Variants in PALM2AKAP2 observed in about 807,000 individuals in gnomAD.
PALM2AKAP2 encodes PALM2 and AKAP2 fusion, also known as PALM2-AKAP2 fusion protein.
Under a neutral mutation model 71.5 loss-of-function variants are expected in PALM2AKAP2, and 37 were observed. The ratio of observed to expected loss-of-function variants is 0.52; its 90% CI spans 0.40 to 0.68. The LOEUF (loss-of-function observed/expected upper bound fraction) is 0.68, where lower values mean the gene tolerates loss of function less well. Ranked by LOEUF, PALM2AKAP2 falls within the 30% of genes least tolerant of loss-of-function variation. PALM2AKAP2 has a pLI of 0.00. For missense variants in PALM2AKAP2, 1,224 were observed against 1,191.8 expected (o/e 1.03, Z -0.40); for synonymous variants, 468 against 478.8 (o/e 0.98, Z 0.29).
intron 1 of PALM2AKAP2, among the ~76,000 whole-genome samples, chr9:110,092,985 C>T (rs1834749851): frequency 6.6e-6 from 1 of 152,156 alleles, no homozygotes; most frequent in Non-Finnish European, 1.5e-5. Flanking sequence ...CTTAGGTCAC[C>T]TGCTCACTCC....
chr9:110,079,190 C>G lies in PALM2AKAP2; in HGVS notation c.156+30335C>G, dbSNP rs528245466. ...GAAGCGAGTGTATCTTTCTGGTATA[C>G]AGTGAGGCATGAGGACACACAGCTT... is the stretch of plus-strand genomic sequence containing the variant. On this transcript the variant is annotated intron_variant, in intron 1 of 3. Coordinates refer to ENST00000374525, the Ensembl canonical transcript of PALM2AKAP2. Among the ~76,000 whole-genome samples the G allele has an allele frequency of 9.2e-5, 14 of 152,216 alleles. No individual in the cohort carries two copies. The South Asian group carries it at 2.5e-3, about 27-fold the overall frequency.
intron 1 of PALM2AKAP2, among the ~76,000 whole-genome samples, chr9:109,759,590 A>G (rs1429413055): frequency 6.6e-6 from 1 of 152,142 alleles, no homozygotes; most frequent in Non-Finnish European, 1.5e-5. Flanking sequence ...ACAAACAACA[A>G]CAACAACAGC....
intron 1 of PALM2AKAP2, among the ~76,000 whole-genome samples, chr9:109,855,122 G>T (rs1273127249): frequency 6.6e-6 from 1 of 151,706 alleles, no homozygotes; most frequent in East Asian, 1.9e-4. Context: ...CCCCAGGCTG[G>T]AGTGCAGTGG....
chr9:109,695,413 C>T (rs1827955697), intron 1 of PALM2AKAP2, among the ~76,000 whole-genome samples: 1 of 152,154 alleles, frequency 6.6e-6, no homozygotes, highest in Non-Finnish European at 1.5e-5. Context: ...TTTACATTCC[C>T]ACCACCATAT....
At chr9:109,762,901 A>C (rs539785770) in intron 1 of PALM2AKAP2, among the ~76,000 whole-genome samples, 5 of 152,314 alleles carry the variant, frequency 3.3e-5, no homozygotes, top group Admixed American at 6.5e-5. Flanking sequence ...CTGAGAACAG[A>C]AACCAGAGTA....
intron 3 of PALM2AKAP2, among the ~76,000 whole-genome samples, chr9:110,163,699 G>A (rs1277691749): frequency 6.6e-6 from 1 of 152,148 alleles, no homozygotes; most frequent in African/African-American, 2.4e-5. Flanking sequence ...TGTCCTTGTT[G>A]ATCACTGTGG....
At chr9:109,645,560 A>T (rs991991828) in intron 1 of PALM2AKAP2, among the ~76,000 whole-genome samples, 8 of 150,788 alleles carry the variant, frequency 5.3e-5, no homozygotes, top group Non-Finnish European at 1.0e-4. Context: ...AAAAAAAAAA[A>T]AACCCCAGCC....
intron 2 of PALM2AKAP2, among the ~76,000 whole-genome samples, chr9:110,150,721 GTGTC>G (rs1836290002): frequency 6.6e-6 from 1 of 152,210 alleles, no homozygotes; most frequent in African/African-American, 2.4e-5. Flanking sequence ...TGCTGATTGA[GTGTC>G]TGCCATGTGC....
chr9:110,111,538 C>A (rs1434406113), intron 1 of PALM2AKAP2, among the ~76,000 whole-genome samples: 1 of 152,184 alleles, frequency 6.6e-6, no homozygotes, highest in Non-Finnish European at 1.5e-5. Flanking sequence ...CCCTTGCCAC[C>A]ACCACAGCCT....
chr9:110,119,540 A>G (rs368162789), intron 1 of PALM2AKAP2, among the ~76,000 whole-genome samples: 22 of 152,232 alleles, frequency 1.4e-4, no homozygotes, highest in African/African-American at 5.1e-4. Flanking sequence ...TGTATTTTAA[A>G]GTGGGGTCCA....
chr9:109,944,929 T>C (rs1313156086), intron 6 of PALM2AKAP2: 1 of 152,212 alleles, frequency 6.6e-6, no homozygotes, highest in Non-Finnish European at 1.5e-5. Context: ...AGCATTGTTA[T>C]GAATTATTCA....
intron 1 of PALM2AKAP2, among the ~76,000 whole-genome samples, chr9:109,742,394 G>T (rs563843236): frequency 6.6e-6 from 1 of 152,160 alleles, no homozygotes; most frequent in Non-Finnish European, 1.5e-5. Flanking sequence ...CTCAGAAGAA[G>T]TGAGAGCCTG....
chr9:109,723,826 T>A (rs1016069786), intron 1 of PALM2AKAP2, among the ~76,000 whole-genome samples: 3 of 152,176 alleles, frequency 2.0e-5, no homozygotes, highest in African/African-American at 4.8e-5. Context: ...TTTTGTGTGT[T>A]TATTGATGGA....
chr9:110,151,634 A>C (rs1005462019), intron 2 of PALM2AKAP2, among the ~76,000 whole-genome samples: 15 of 152,230 alleles, frequency 9.9e-5, no homozygotes, highest in Admixed American at 1.3e-4. Flanking sequence ...TTTGGAGTCA[A>C]CCAAGTGAAG....
chr9:109,719,081 T>TA (rs544526748), intron 1 of PALM2AKAP2, among the ~76,000 whole-genome samples: 8 of 152,198 alleles, frequency 5.3e-5, no homozygotes, highest in African/African-American at 1.9e-4. Flanking sequence ...TCATCTCTTA[T>TA]AAAAAAATAA....
At chr9:109,832,654 G>A (rs1314535325) in intron 1 of PALM2AKAP2, among the ~76,000 whole-genome samples, 1 of 152,106 alleles carries the variant, frequency 6.6e-6, no homozygotes, top group Non-Finnish European at 1.5e-5. Context: ...TGCCTTAAAA[G>A]ACTTTTACAA....
intron 1 of PALM2AKAP2, among the ~76,000 whole-genome samples, chr9:109,836,074 C>T (rs143695957): frequency 0.011 from 1,741 of 152,350 alleles, 22 homozygotes; most frequent in South Asian, 0.027. Context: ...AACGGTCAGT[C>T]TGCCTCCTCA....
intron 1 of PALM2AKAP2, among the ~76,000 whole-genome samples, chr9:109,824,043 C>A (rs1019508459): frequency 6.6e-6 from 1 of 152,114 alleles, no homozygotes; most frequent in African/African-American, 2.4e-5. Flanking sequence ...GCACATACCA[C>A]TATGCCTGGC....
chr9:109,848,537 G>T (rs2131614498), intron 1 of PALM2AKAP2, among the ~76,000 whole-genome samples: 1 of 152,246 alleles, frequency 6.6e-6, no homozygotes, highest in South Asian at 2.1e-4. Flanking sequence ...TCATGTCATG[G>T]CAGGACTGAG....
Sources: gnomAD v4.1 joint callset for allele counts (sites outside exome capture counted in the v4.1 genomes callset) on GRCh38, gnomAD v4.1.1 for gene constraint, MANE v1.5 for transcripts, NCBI Gene and HGNC (gene_info 2026-07-23, HGNC 2026-07-21) for gene names.